The following CA5B variants were observed in gnomAD, a reference collection of about 807,000 sequenced individuals.
The protein encoded by CA5B is carbonic anhydrase 5B, mitochondrial.
In CA5B, 15 loss-of-function variants were observed where a neutral mutation model predicts 23.1. The observed-to-expected ratio is 0.65, with a 90% CI of 0.43 to 1.00. The LOEUF is 1.00. CA5B is among the 50% of genes least tolerant of loss of function. The pLI is 0.00. For synonymous variants in CA5B, 84 were observed against 98.5 expected (o/e 0.85, Z 0.87); for missense variants, 236 against 252.2 (o/e 0.94, Z 0.43).
rs1489905781 is a variant in CA5B at position 15,787,572 on chromosome X, A to G, written c.*4908A>G. On this transcript the variant is annotated 3_prime_UTR_variant, in exon 8 of 8. Transcript: ENST00000318636. ...TGAAATTAACAAGCAATTCAGGCCTATTTCTGAAAATGAATTCAGTGGTTA... is the reference window on the plus strand; with the variant it reads ...TGAAATTAACAAGCAATTCAGGCCTGTTTCTGAAAATGAATTCAGTGGTTA... 4 of 112,635 alleles carry G rather than the reference A, an allele frequency of 3.6e-5. No individual in the cohort carries two copies. Among genetic ancestry groups the G allele is most frequent in the African/African-American group, 1.3e-4 (4 of 31,000 alleles). 9.3% of individuals were successfully genotyped at this position (112,635 alleles called of 1,213,427 possible). A position where few individuals can be genotyped will look rare whatever the true frequency, so the allele number is the denominator to read the frequency against.
chrX:15,756,807 C>A (rs1601783703), intron 2 of CA5B, among the ~76,000 whole-genome samples: 1 of 111,653 alleles, frequency 9.0e-6, no homozygotes, highest in Non-Finnish European at 1.9e-5. Context: ...GTAATCCCAG[C>A]ACTTTGGGAG....
chrX:15,741,068 T>G (rs1046516120), intron 1 of CA5B, among the ~76,000 whole-genome samples: 4 of 109,456 alleles, frequency 3.7e-5, no homozygotes, highest in Admixed American at 1.9e-4. Context: ...GTTCTGTTTT[T>G]CTTTTTCTTT....
intron 2 of CA5B, among the ~76,000 whole-genome samples, chrX:15,761,461 G>A (rs1188963533): frequency 8.9e-6 from 1 of 112,248 alleles, no homozygotes; most frequent in Admixed American, 9.4e-5. Flanking sequence ...GCCAGTTCAT[G>A]TGCATTTTCC....
chrX:15,765,372 C>CT, intron 3 of CA5B: 6 of 176,885 alleles, frequency 3.4e-5, no homozygotes, highest in Non-Finnish European at 5.4e-5. Context: ...GATTTTGAAT[C>CT]TTTTTTTTCA....
rs903795709 is a variant in CA5B, at chrX:15,746,314, G to T, written c.-53-3657G>T. On this transcript the variant is annotated intron_variant, in intron 1 of 7. Coordinates refer to ENST00000318636, the MANE Select transcript of CA5B (RefSeq NM_007220.4). ...CCAGCCTCAGCTTCCCAAAGTGCTG[G>T]GGTTACAGGCGTGAGCCACTGCACC... Among the ~76,000 whole-genome samples the T allele has an allele frequency of 2.7e-5, 3 of 111,210 alleles. No individual in the cohort carries two copies. In the Admixed American group the frequency reaches 2.9e-4, roughly 11 times the overall value.
At chrX:15,771,435 G>T (rs1052500684) in intron 3 of CA5B, among the ~76,000 whole-genome samples, 3 of 106,526 alleles carry the variant, frequency 2.8e-5, no homozygotes, top group African/African-American at 1.0e-4. Flanking sequence ...GTGTGTGTGT[G>T]TGTGTGTTTG....
rs1385118881 is a variant in CA5B at position 15,787,438 on chromosome X, C to G, written c.*4774C>G. 1 of 111,549 alleles carries G rather than the reference C, an allele frequency of 9.0e-6. No individual in the cohort carries two copies. Among genetic ancestry groups the G allele is most frequent in the Non-Finnish European group, 1.9e-5 (1 of 53,133 alleles). The allele number at this position is 111,549 out of a possible 1,213,427, so 9.2% of individuals were successfully genotyped here. On this transcript the variant is annotated 3_prime_UTR_variant, in exon 8 of 8. Transcript: ENST00000318636. Reference sequence around the variant, plus strand: ...TAGGGTAAAGTTGGCTATTCTAAAACTAAGCATCCGCCCAAAAGAAGTCTT... The same window carrying G: ...TAGGGTAAAGTTGGCTATTCTAAAAGTAAGCATCCGCCCAAAAGAAGTCTT...
intron 4 of CA5B, among the ~76,000 whole-genome samples, chrX:15,773,469 G>T (rs900483905): frequency 1.2e-4 from 12 of 100,694 alleles, no homozygotes; most frequent in Non-Finnish European, 2.2e-4. Context: ...GAGTGCAGTG[G>T]CGTGATCTTG....
At chrX:15,739,096 G>A in intron 1 of CA5B, among the ~76,000 whole-genome samples, 1 of 112,353 alleles carries the variant, frequency 8.9e-6, no homozygotes, top group Non-Finnish European at 1.9e-5. Flanking sequence ...GTGGCAATTG[G>A]TTAATATTGA....
chrX:15,777,534 C>T (rs1335553031), intron 7 of CA5B, among the ~76,000 whole-genome samples: 1 of 110,668 alleles, frequency 9.0e-6, no homozygotes, highest in African/African-American at 3.3e-5. Context: ...AAAGATTGGA[C>T]CCCCCTCTGA....
chrX:15,753,980 A>T (rs947628083), intron 2 of CA5B, among the ~76,000 whole-genome samples: 3 of 112,578 alleles, frequency 2.7e-5, no homozygotes, highest in African/African-American at 9.7e-5. Flanking sequence ...CTGTCATGTG[A>T]TGCTCTACCA....
chrX:15,773,566 C>T (rs770587802), intron 4 of CA5B, among the ~76,000 whole-genome samples: 4 of 109,427 alleles, frequency 3.7e-5, no homozygotes, highest in Non-Finnish European at 3.8e-5. Context: ...CCCACCACTG[C>T]GCCCAGCTAA....
intron 3 of CA5B, among the ~76,000 whole-genome samples, chrX:15,771,903 T>C (rs898390612): frequency 9.0e-6 from 1 of 111,455 alleles, no homozygotes; most frequent in Non-Finnish European, 1.9e-5. Context: ...TGTTACTCTT[T>C]TAGTAATTTT....
At chrX:15,778,890 C>T (rs985634613) in intron 7 of CA5B, among the ~76,000 whole-genome samples, 12 of 110,469 alleles carry the variant, frequency 1.1e-4, no homozygotes, top group African/African-American at 4.0e-4. Flanking sequence ...GATTACAATT[C>T]GACGTGAGAT....
At chrX:15,754,138 C>T (rs186551068) in intron 2 of CA5B, among the ~76,000 whole-genome samples, 15 of 112,041 alleles carry the variant, frequency 1.3e-4, no homozygotes, top group African/African-American at 4.9e-4. Flanking sequence ...CTCTTCCCCT[C>T]ATGGCCTGAA....
chrX:15,771,212 A>AAG (rs1234620569), intron 3 of CA5B, among the ~76,000 whole-genome samples: 1 of 103,126 alleles, frequency 9.7e-6, no homozygotes, highest in Non-Finnish European at 2.0e-5. Flanking sequence ...TACAAAAAAA[A>AAG]AAAAAAAAAA....
At chrX:15,752,474 T>C (rs753680918) in intron 2 of CA5B, among the ~76,000 whole-genome samples, 39 of 112,201 alleles carry the variant, frequency 3.5e-4, no homozygotes, top group South Asian at 1.5e-3. Flanking sequence ...GCCTGTAATC[T>C]CAGCACTTTG....
At chrX:15,775,787 C>T (rs1457077912) in intron 6 of CA5B, 3 of 743,504 alleles carry the variant, frequency 4.0e-6, no homozygotes, top group Non-Finnish European at 4.7e-6. Flanking sequence ...TCTGGAGGCC[C>T]ATATATTCTC....
intron 1 of CA5B, among the ~76,000 whole-genome samples, chrX:15,742,466 T>C (rs1931141431): frequency 2.7e-5 from 3 of 112,342 alleles, no homozygotes; most frequent in African/African-American, 9.7e-5. Context: ...CTCCACCTCC[T>C]GGGTTCAAGC....
Sources: gnomAD v4.1 joint callset for allele counts (sites outside exome capture counted in the v4.1 genomes callset) on GRCh38, gnomAD v4.1.1 for gene constraint, MANE v1.5 for transcripts, NCBI Gene and HGNC (gene_info 2026-07-23, HGNC 2026-07-21) for gene names.